The following DNAH17 variants were observed in gnomAD, a reference collection of about 807,000 sequenced individuals.
DNAH17 encodes dynein axonemal heavy chain 17.
Under a neutral mutation model 485.6 loss-of-function variants are expected in DNAH17, and 376 were observed. The ratio of observed to expected loss-of-function variants is 0.77; its 90% CI spans 0.71 to 0.84. DNAH17 has a LOEUF of 0.84. Ranked by LOEUF, DNAH17 falls within the 40% of genes least tolerant of loss-of-function variation. DNAH17 has a pLI of 0.00. For synonymous variants in DNAH17, 3,031 were observed against 2,405.9 expected, an observed-to-expected ratio of 1.26 and a Z score of -7.60; for missense variants, 6,370 against 5,839.3, an observed-to-expected ratio of 1.09 and a Z score of -2.96.
rs374908274 is a variant in DNAH17 at position 78,491,535 on chromosome 17, T to C, written c.6577A>G (p.Ile2193Val). The change falls in exon 43 of 81, where the codon ATC becomes GTC. Residue 2193 changes from isoleucine (I) to valine (V), a missense_variant. Coordinates refer to ENST00000389840, the MANE Select transcript of DNAH17 (RefSeq NM_173628.4). ...ATCCACTTGGGGCCGTCATGGGTGA[T>C]GTTGGCCAGGTCTCGCATGATGGTG... is the stretch of plus-strand genomic sequence containing the variant. ...FSTIMRDLAN[I>V]THDGPKWIIL... 2.5e-6 allele frequency: 4 copies of C among 1,614,050 alleles called. No homozygotes were observed. In the African/African-American group the frequency reaches 4.0e-5, roughly 16 times the overall value.
In DNAH17 at chr17:78,481,914, C is replaced by T. The variant is rs572459253; in HGVS notation, c.7650-1128G>A. Among the ~76,000 whole-genome samples, 18 of 152,126 alleles carry T rather than the reference C, an allele frequency of 1.2e-4. No individual in the cohort carries two copies. In the South Asian group the frequency reaches 2.5e-3, roughly 21 times the overall value. On this transcript the variant is annotated intron_variant, in intron 48 of 80. Transcript: ENST00000389840. Reference sequence around the variant, plus strand: ...CCTGTAATCCCAGCTACTTGGGAGGCTGAGGCAGGAGAATTGCTTGAACCT... The same window carrying T: ...CCTGTAATCCCAGCTACTTGGGAGGTTGAGGCAGGAGAATTGCTTGAACCT...
At chr17:78,491,311 G>A (rs892159179) in intron 43 of DNAH17, 132 bp downstream of exon 43, 4 of 1,328,144 alleles carry the variant, frequency 3.0e-6, no homozygotes, top group South Asian at 1.5e-5. Context: ...ATAGCTTCCT[G>A]TGGAGATCCA....
chr17:78,450,604 G>A lies in DNAH17; in HGVS notation c.10899+78C>T, dbSNP rs184376532. 10,252 of 1,523,442 alleles carry A rather than the reference G, an allele frequency of 6.7e-3. 56 individuals are homozygous for A. The highest frequency in any genetic ancestry group is 8.5e-3 in the Non-Finnish European group (9,661 of 1,130,934). The allele number at this position is 1,523,442 out of a possible 1,614,324, so 94.4% of individuals were successfully genotyped here. On this transcript the variant is annotated intron_variant, in intron 67 of 80. Transcript: ENST00000389840. ...CGAAGCTGCTTTTCTCCTTTCTCAT[G>A]GTAGGGAGGCGCCGATCGCCCGTGG...
rs1293015065 is a variant in DNAH17, at chr17:78,537,466, G to A, written c.2692C>T (p.Leu898=). 6.2e-7 allele frequency: 1 copy of A among 1,613,320 alleles called. No individual in the cohort carries two copies. The highest frequency in any genetic ancestry group is 2.2e-5 in the East Asian group (1 of 44,872). The change falls in exon 19 of 81, where the codon CTG becomes TTG. Residue 898 remains leucine (L), a synonymous_variant. Coordinates refer to ENST00000389840, the MANE Select transcript of DNAH17 (RefSeq NM_173628.4). ...TCCAGCTCCATGCGGATCTCAAACAGGGGAGCGATACTCTCCTGAAAGAGG... is the reference window on the plus strand; with the variant it reads ...TCCAGCTCCATGCGGATCTCAAACAAGGGAGCGATACTCTCCTGAAAGAGG... ...NMVIDESIAP[L]FEIRMELDED... is the part of the protein sequence containing the mutation.
chr17:78,467,555 G>A (rs1156233567), intron 55 of DNAH17, among the ~76,000 whole-genome samples: 5 of 152,188 alleles, frequency 3.3e-5, no homozygotes, highest in South Asian at 2.1e-4. Flanking sequence ...GCCCGCAGAG[G>A]GGAGGGAGGA....
In DNAH17 at chr17:78,485,890, G is replaced by C. The variant is rs2089585092; in HGVS notation, c.7275+70C>G. On this transcript the variant is annotated intron_variant, in intron 46 of 80. Coordinates refer to ENST00000389840, the MANE Select transcript of DNAH17 (RefSeq NM_173628.4). ...TTGTGTTTGGACATTCCGTGCAGGC[G>C]TGTGGAGGGTACTGCACCGATTCCT... 3.8e-6 allele frequency: 6 copies of C among 1,577,704 alleles called. No individual in the cohort carries two copies. The East Asian group carries it at 1.3e-4, about 35-fold the overall frequency.
At chr17:78,497,398 G>A (rs550623627) in intron 37 of DNAH17, among the ~76,000 whole-genome samples, 92 of 152,282 alleles carry the variant, frequency 6.0e-4, no homozygotes, top group African/African-American at 2.1e-3. Context: ...TCTGCTGAGC[G>A]TGCAGCTTGT....
intron 31 of DNAH17, among the ~76,000 whole-genome samples, chr17:78,503,521 C>T (rs2090378578): frequency 6.6e-6 from 1 of 151,980 alleles, no homozygotes; most frequent in South Asian, 2.1e-4. Flanking sequence ...GGATCTCGCT[C>T]TGCTGCCCCG....
intron 74 of DNAH17, among the ~76,000 whole-genome samples, chr17:78,435,798 A>G (rs2086833769): frequency 6.6e-6 from 1 of 152,104 alleles, no homozygotes; most frequent in Non-Finnish European, 1.5e-5. Context: ...GCCCCATAGC[A>G]CCGTGTGTAC....
intron 54 of DNAH17, among the ~76,000 whole-genome samples, chr17:78,469,978 C>T (rs928043351): frequency 4.0e-5 from 6 of 151,486 alleles, no homozygotes; most frequent in African/African-American, 1.5e-4. Flanking sequence ...TGAAAGGGTC[C>T]TGGAGAGGGA....
chr17:78,560,630 G>T, intron 13 of DNAH17, 110 bp downstream of exon 13: 1 of 1,206,816 alleles, frequency 8.3e-7, no homozygotes, highest in Non-Finnish European at 1.1e-6. Context: ...AGCTTTAGGC[G>T]AACTGTGATA....
chr17:78,505,070 C>G (rs1458067335), intron 31 of DNAH17, among the ~76,000 whole-genome samples: 1 of 151,988 alleles, frequency 6.6e-6, no homozygotes, highest in East Asian at 1.9e-4. Context: ...TCCCCTTTCT[C>G]CCTAAGGATA....
rs1489026294 is a variant in DNAH17, at chr17:78,495,059, C to A, written c.5942G>T (p.Cys1981Phe). The A allele has an allele frequency of 6.2e-7, 1 of 1,611,018 alleles. No individual in the cohort carries two copies. The highest frequency in any genetic ancestry group is 8.5e-7 in the Non-Finnish European group (1 of 1,178,786). Residue 1981 changes from cysteine (C) to phenylalanine (F), a missense_variant, in exon 39 of 81, where the codon TGT becomes TTT. Transcript: ENST00000389840. The stretch of plus-strand genomic sequence containing the variant: ...GCCCTCGGCCATGAGCATGATCTCA[C>A]ATATCAGTTCGAAGTCGGGGACGAC... ...AMVVPDFELICEIMLMAEGFL... is the reference protein window; with the variant it reads ...AMVVPDFELIFEIMLMAEGFL...
At chr17:78,568,140 C>T (rs559555205) in intron 9 of DNAH17, among the ~76,000 whole-genome samples, 30 of 152,286 alleles carry the variant, frequency 2.0e-4, no homozygotes, top group Non-Finnish European at 3.8e-4. Flanking sequence ...GACAGCAAAG[C>T]CATTTCCTCC....
intron 17 of DNAH17, among the ~76,000 whole-genome samples, chr17:78,543,201 G>A (rs558759253): frequency 7.9e-4 from 120 of 152,262 alleles, no homozygotes; most frequent in South Asian, 3.1e-3. Context: ...TGCCACCTCC[G>A]CCTCCCAGGG....
intron 69 of DNAH17, among the ~76,000 whole-genome samples, chr17:78,446,188 A>AAAAAT (rs1285236265): frequency 1.3e-5 from 2 of 151,224 alleles, no homozygotes; most frequent in Admixed American, 6.6e-5. Flanking sequence ...AAAAAAAAAA[A>AAAAAT]AAAAAAAAAA....
chr17:78,459,792 C>T lies in DNAH17; in HGVS notation c.9645G>A (p.Lys3215=), dbSNP rs912877937. 2 of 1,614,044 alleles carry T rather than the reference C, an allele frequency of 1.2e-6. No individual in the cohort carries two copies. Among genetic ancestry groups the T allele is most frequent in the Admixed American group, 3.3e-5 (2 of 60,034 alleles). ...DKEHIPEACL[K]AFKPYQGNPT... ...GCCCAGCCCCGACTCACTTGAAGGC[C>T]TTCAGGCAGGCCTCAGGGATGTGCT... Residue 3215 remains lysine, a synonymous_variant, in exon 60 of 81, where the codon AAG becomes AAA. Transcript: ENST00000389840.
Position 78,515,036 on chromosome 17 carries a change from A to T in DNAH17, c.3865-14T>A, listed in dbSNP as rs763101750. On this transcript the variant is annotated splice_polypyrimidine_tract_variant and intron_variant, in intron 25 of 80. Coordinates refer to ENST00000389840, the MANE Select transcript of DNAH17 (RefSeq NM_173628.4). ...GCTGGTATTTACCTGAAACGAAAAC[A>T]TCCCGTTTCTCCTTCCACTCTCATC... The T allele has an allele frequency of 6.2e-7, 1 of 1,612,440 alleles. No homozygotes were observed. The highest frequency in any genetic ancestry group is 8.5e-7 in the Non-Finnish European group (1 of 1,178,624).
intron 65 of DNAH17, among the ~76,000 whole-genome samples, chr17:78,451,944 T>TCC (rs1400195317): frequency 6.6e-6 from 1 of 151,930 alleles, no homozygotes; most frequent in Non-Finnish European, 1.5e-5. Context: ...TACTCTGTCC[T>TCC]CCCCTGGGAG....
Sources: gnomAD v4.1 joint callset for allele counts (sites outside exome capture counted in the v4.1 genomes callset) on GRCh38, gnomAD v4.1.1 for gene constraint, MANE v1.5 for transcripts, NCBI Gene and HGNC (gene_info 2026-07-23, HGNC 2026-07-21) for gene names.